The following PNPLA6 variants were observed in gnomAD, a reference collection of about 807,000 sequenced individuals.
PNPLA6 encodes the protein patatin like domain 6, lysophospholipase.
A neutral mutation model predicts 153.7 loss-of-function variants in PNPLA6; 105 were observed. That is an observed-to-expected ratio of 0.68 (90% CI 0.58 to 0.80). PNPLA6 has a LOEUF of 0.80. Ranked by LOEUF, PNPLA6 falls within the 30% of genes least tolerant of loss-of-function variation. The pLI is 0.00. For synonymous variants in PNPLA6, 825 were observed against 822.2 expected, an observed-to-expected ratio of 1.00 and a Z score of -0.06; for missense variants, 1,423 against 1,919.3, an observed-to-expected ratio of 0.74 and a Z score of 4.83.
rs1194397108 is a variant in PNPLA6 at position 7,554,941 on chromosome 19, G to C, written c.2683G>C (p.Val895Leu). 1.3e-6 allele frequency: 2 copies of C among 1,587,284 alleles called. No homozygotes were observed. Among genetic ancestry groups the C allele is most frequent in the East Asian group, 4.5e-5 (2 of 44,284 alleles). ...NTAVRALKQL[V>L]LLHREEGAGP... is the part of the protein sequence containing the mutation. ...GGCTGTGCGCGCCCTTAAGCAGCTAGTCCTGCTCCACCGAGAGGAGGGCGC... is the reference window on the plus strand; with the variant it reads ...GGCTGTGCGCGCCCTTAAGCAGCTACTCCTGCTCCACCGAGAGGAGGGCGC... The change falls in exon 22 of 32, where the codon GTC (valine) becomes CTC (leucine). Residue 895 changes from valine to leucine, a missense_variant. Val to Leu is a conservative substitution (Grantham distance 32, BLOSUM62 1). Around this residue, in one of 10 missense-constraint regions of PNPLA6, gnomAD observed 643 missense variants for 835.2 expected, o/e 0.77. Coordinates refer to ENST00000600737, the MANE Select transcript of PNPLA6 (RefSeq NM_001166114.2).
Position 7,542,898 on chromosome 19 carries a change from G to A in PNPLA6, c.1500G>A (p.Lys500=). 6.2e-7 allele frequency: 1 copy of A among 1,613,520 alleles called. No individual in the cohort carries two copies. Among genetic ancestry groups the A allele is most frequent in the Non-Finnish European group, 8.5e-7 (1 of 1,179,896 alleles). ...CCAGCAGCATCTTCGAGGCAGCAAAGCAGGAGCTGGCCAAGCTGATGCGGA... is the reference window on the plus strand; with the variant it reads ...CCAGCAGCATCTTCGAGGCAGCAAAACAGGAGCTGGCCAAGCTGATGCGGA... The part of the protein sequence containing the change: ...RQTSSIFEAA[K]QELAKLMRIE... The change falls in exon 12 of 32, where the codon AAG becomes AAA. Residue 500 remains lysine (K), a synonymous_variant. Coordinates refer to ENST00000600737, the MANE Select transcript of PNPLA6 (RefSeq NM_001166114.2).
chr19:7,558,736 T>TCTCC, intron 27 of PNPLA6, 114 bp from the exon 28 acceptor site: 1 of 651,974 alleles, frequency 1.5e-6, no homozygotes, highest in Non-Finnish European at 2.4e-6. Flanking sequence ...GTGTGGGTAT[T>TCTCC]CTCTCTTTTT....
chr19:7,536,132 C>A, intron 1 of PNPLA6, 59 bp from the exon 2 acceptor site: 1 of 1,531,546 alleles, frequency 6.5e-7, no homozygotes, highest in Non-Finnish European at 9.0e-7. Context: ...GGTACCCCAG[C>A]TCTGGCAGGG....
intron 26 of PNPLA6, 182 bp downstream of exon 26, chr19:7,556,906 T>C (rs771749957): frequency 3.0e-5 from 21 of 693,292 alleles, no homozygotes; most frequent in Non-Finnish European, 4.7e-5. Flanking sequence ...CGTCCGTCCT[T>C]GGGGGAGGGG....
upstream of PNPLA6, chr19:7,535,261 G>T: frequency 1.7e-6 from 1 of 581,066 alleles, no homozygotes. This position sits in a 1 kb window ranked among gnomAD's most constrained non-coding sequence, Gnocchi z 5.0. Flanking sequence ...GCGTCTGGTA[G>T]GCCCTACGCG....
rs504149 is a variant in PNPLA6 at position 7,557,714 on chromosome 19, T to C, written c.3397+430T>C. 1.8e-3 allele frequency among the ~76,000 whole-genome samples: 266 copies of C among 149,564 alleles called. 13 individuals carry two copies. In the South Asian group the frequency reaches 0.036, roughly 20 times the overall value. On this transcript the variant is annotated intron_variant, in intron 27 of 31. Transcript: ENST00000600737. ...CAGATAAATCACTTGAACCTGGGAG[T>C]TGGAGGTTGCAGTGAGCTGAGATCA...
Position 7,560,752 on chromosome 19 carries a change from C to G in PNPLA6, c.3804C>G (p.Ser1268Arg). ...TDRRSTDLNE[S>R]RRADVLAFPS... ...GGCGGTCTACAGACCTTAATGAGAGCCGCCGTGCAGACGTAAGCCTGTGAT... is the reference window on the plus strand; with the variant it reads ...GGCGGTCTACAGACCTTAATGAGAGGCGCCGTGCAGACGTAAGCCTGTGAT... Residue 1268 changes from serine (S) to arginine (R), a missense_variant, in exon 29 of 32, where the codon AGC (serine) becomes AGG (arginine). Physicochemically the swap from Ser to Arg is moderately radical, Grantham distance 110 (BLOSUM62 -1). Transcript: ENST00000600737. 1 of 1,605,234 alleles carries G rather than the reference C, an allele frequency of 6.2e-7. No homozygotes were observed. Among genetic ancestry groups the G allele is most frequent in the Non-Finnish European group, 8.5e-7 (1 of 1,172,092 alleles).
At chr19:7,556,782 G>A in intron 26 of PNPLA6, 58 bp downstream of exon 26, 1 of 1,254,692 alleles carries the variant, frequency 8.0e-7, no homozygotes, top group Non-Finnish European at 1.2e-6. Flanking sequence ...TTGGGGGGAT[G>A]CTTCCGGGAG....
In PNPLA6 at chr19:7,561,078, C is replaced by T. The variant is rs2024080119; in HGVS notation, c.3881C>T (p.Pro1294Leu). 2.5e-6 allele frequency: 4 copies of T among 1,613,266 alleles called. No individual in the cohort carries two copies. The highest frequency in any genetic ancestry group is 3.3e-4 in the Middle Eastern group (2 of 6,062). Reference sequence around the variant, plus strand: ...GAGATTGTGTCCCGGATTGAGCCCCCCACGAGCTATGTCTCTGATGGCTGT... The same window carrying T: ...GAGATTGTGTCCCGGATTGAGCCCCTCACGAGCTATGTCTCTGATGGCTGT... ...LAEIVSRIEP[P>L]TSYVSDGCAD... The change falls in exon 30 of 32, where the codon CCC becomes CTC. Residue 1294 changes from proline (P) to leucine (L), a missense_variant. Pro to Leu is a moderately conservative substitution (Grantham distance 98). Around this residue, in one of 10 missense-constraint regions of PNPLA6, gnomAD observed 643 missense variants for 835.2 expected, o/e 0.77. Transcript: ENST00000600737.
At chr19:7,535,626 A>C, upstream of PNPLA6, 3 of 1,584,074 alleles carry the variant, frequency 1.9e-6, no homozygotes, top group East Asian at 4.6e-5. The surrounding 1 kb of genome is among the most constrained non-coding windows in gnomAD (Gnocchi z 5.0). Context: ...GGGCGCCAAG[A>C]GGACTACAAC....
At position 7,557,153 on chromosome 19, in the gene PNPLA6, T is replaced by C. The variant is rs1372631749; in HGVS notation, c.3281-15T>C. On this transcript the variant is annotated splice_polypyrimidine_tract_variant and intron_variant, in intron 26 of 31. Transcript: ENST00000600737. ...GTGTCTGTGCGTGTTTGTGTCTGTG[T>C]GTCCCACCGCGCAGGCTCCCTGTGG... 4.4e-6 allele frequency: 7 copies of C among 1,584,340 alleles called. No individual in the cohort carries two copies. The highest frequency in any genetic ancestry group is 6.1e-6 in the Non-Finnish European group (7 of 1,155,998).
Position 7,550,656 on chromosome 19 carries a change from A to G in PNPLA6, c.2070+16A>G, listed in dbSNP as rs760813559. 8.7e-6 allele frequency: 14 copies of G among 1,609,158 alleles called. No individual in the cohort carries two copies. The highest frequency in any genetic ancestry group is 8.5e-6 in the Non-Finnish European group (10 of 1,179,396). Reference sequence around the variant, plus strand: ...CATCGGCGTGGTGAGCGCGACCCCCACCCACTGACCTCTGGCCTTTTCCAG... The same window carrying G: ...CATCGGCGTGGTGAGCGCGACCCCCGCCCACTGACCTCTGGCCTTTTCCAG... On this transcript the variant is annotated intron_variant, in intron 16 of 31. Coordinates refer to ENST00000600737, the MANE Select transcript of PNPLA6 (RefSeq NM_001166114.2).
chr19:7,536,581 G>T (rs748639743), intron 3 of PNPLA6, 35 bp downstream of exon 3: 42 of 1,376,382 alleles, frequency 3.1e-5, no homozygotes, highest in Admixed American at 1.7e-5. Flanking sequence ...GGTATTAGGG[G>T]TTATCTCAGG....
At chr19:7,552,049 G>T (rs1221149832) in intron 18 of PNPLA6, among the ~76,000 whole-genome samples, 1 of 152,200 alleles carries the variant, frequency 6.6e-6, no homozygotes, top group East Asian at 1.9e-4. Flanking sequence ...GGTCGAGGCT[G>T]CAGTGAGCCG....
At chr19:7,557,783 C>CCA (rs773767930) in intron 27 of PNPLA6, among the ~76,000 whole-genome samples, 44,423 of 109,370 alleles carry the variant, frequency 0.41, 9,260 homozygotes, top group South Asian at 0.56. Context: ...GACTCAGTCT[C>CCA]AAAAAAAAAA....
intron 26 of PNPLA6, 115 bp downstream of exon 26, chr19:7,556,839 C>T (rs2023899105): frequency 1.2e-6 from 1 of 818,006 alleles, no homozygotes; most frequent in African/African-American, 1.7e-5. Context: ...ACCGTCCACC[C>T]TGGCCCGATC....
In PNPLA6 at chr19:7,542,944, G is replaced by T. The variant is rs955181846; in HGVS notation, c.1530+16G>T. On this transcript the variant is annotated intron_variant, in intron 12 of 31. Coordinates refer to ENST00000600737, the MANE Select transcript of PNPLA6 (RefSeq NM_001166114.2). ...GCGGATTGAGGTGGGCAGCCGAGGG[G>T]AGCTGGGCACAGGGCGCAAGGGAGG... 15 of 1,613,678 alleles carry T rather than the reference G, an allele frequency of 9.3e-6. No individual in the cohort carries two copies. The highest frequency in any genetic ancestry group is 4.0e-5 in the African/African-American group (3 of 74,914).
At chr19:7,548,206 G>A (rs1184468357) in intron 13 of PNPLA6, among the ~76,000 whole-genome samples, 2 of 151,704 alleles carry the variant, frequency 1.3e-5, no homozygotes, top group South Asian at 2.1e-4. Context: ...TTAGCCAGGC[G>A]TGTGGCAGGC....
At chr19:7,547,507 AC>A (rs2023432979) in intron 13 of PNPLA6, among the ~76,000 whole-genome samples, 1 of 151,482 alleles carries the variant, frequency 6.6e-6, no homozygotes, top group Non-Finnish European at 1.5e-5. Context: ...TTTTACTCTT[AC>A]TTTTTTTAGA....
Sources: allele counts gnomAD v4.1 joint callset (sites outside exome capture counted in the v4.1 genomes callset), GRCh38; gene constraint gnomAD v4.1.1; regional missense constraint gnomAD v4.1.1; non-coding constraint Gnocchi (gnomAD v3.1); transcripts MANE v1.5; gene names NCBI Gene and HGNC (gene_info 2026-07-23, HGNC 2026-07-21).